PHF21B: variants seen among roughly 807,000 people sequenced by gnomAD.
PHF21B encodes PHD finger protein 21B, also known as PHD finger protein 4.
In PHF21B, 22 loss-of-function variants were observed where a neutral mutation model predicts 62.2. The observed-to-expected ratio is 0.35, with a 90% CI of 0.25 to 0.51. The LOEUF (loss-of-function observed/expected upper bound fraction) is 0.51, where lower values mean the gene tolerates loss of function less well. Among genes scored for constraint, PHF21B ranks in the 20% least tolerant of loss-of-function variants. PHF21B has a pLI of 0.97. For synonymous variants in PHF21B, 341 were observed against 314.7 expected, an observed-to-expected ratio of 1.08 and a Z score of -0.88; for missense variants, 701 against 707.9, an observed-to-expected ratio of 0.99 and a Z score of 0.11.
chr22:44,976,355 T>C (rs567290349), intron 2 of PHF21B, among the ~76,000 whole-genome samples: 4 of 152,198 alleles, frequency 2.6e-5, no homozygotes, highest in Non-Finnish European at 5.9e-5. Context: ...TGTCTTAAGA[T>C]ACATAATACC....
At position 44,903,353 on chromosome 22, in the gene PHF21B, G is replaced by T. The variant is rs527351429; in HGVS notation, c.832-7270C>A. On this transcript the variant is annotated intron_variant, in intron 5 of 12. Transcript: ENST00000313237. ...TCTGGAGTCCCCTACACCACTCCTGGCCACTGCTCATTGCACCATTGGCTT... is the reference window on the plus strand; with the variant it reads ...TCTGGAGTCCCCTACACCACTCCTGTCCACTGCTCATTGCACCATTGGCTT... 2.0e-5 allele frequency among the ~76,000 whole-genome samples: 3 copies of T among 151,692 alleles called. No homozygotes were observed. The South Asian group carries it at 6.3e-4, about 32-fold the overall frequency.
intron 5 of PHF21B, among the ~76,000 whole-genome samples, chr22:44,908,421 T>C (rs1158817888): frequency 6.6e-6 from 1 of 152,044 alleles, no homozygotes; most frequent in East Asian, 1.9e-4. Context: ...CCTTATGGGG[T>C]CTGAGAGCTA....
intron 5 of PHF21B, among the ~76,000 whole-genome samples, chr22:44,900,294 T>C (rs2071134390): frequency 6.6e-6 from 1 of 152,192 alleles, no homozygotes; most frequent in Admixed American, 6.5e-5. Flanking sequence ...AAATGGCTCA[T>C]GGAACATTTC....
chr22:44,911,663 T>C (rs114492408), intron 5 of PHF21B, among the ~76,000 whole-genome samples: 3,957 of 152,274 alleles, frequency 0.026, 175 homozygotes, highest in African/African-American at 0.089. Context: ...ACAAGATGTA[T>C]GGAAATGCTT....
At chr22:44,924,811 G>C (rs575515104) in intron 2 of PHF21B, among the ~76,000 whole-genome samples, 27 of 152,118 alleles carry the variant, frequency 1.8e-4, no homozygotes, top group Non-Finnish European at 3.1e-4. Context: ...CTAAGCATTC[G>C]CCAAGAGAAG....
chr22:44,884,604 A>G (rs2070817839), intron 12 of PHF21B, among the ~76,000 whole-genome samples: 1 of 151,804 alleles, frequency 6.6e-6, no homozygotes, highest in Non-Finnish European at 1.5e-5. Context: ...CAACACCACC[A>G]TCACCATAAT....
intron 2 of PHF21B, among the ~76,000 whole-genome samples, chr22:44,998,381 A>T (rs1351136298): frequency 6.6e-6 from 1 of 152,192 alleles, no homozygotes. Context: ...GTGAAAACAA[A>T]CACAATAGGT....
intron 2 of PHF21B, among the ~76,000 whole-genome samples, chr22:44,996,175 G>A (rs1420308633): frequency 6.6e-6 from 1 of 152,144 alleles, no homozygotes; most frequent in African/African-American, 2.4e-5. Context: ...CCAGCGCCCA[G>A]CCCTCAGCAG....
chr22:44,915,225 A>C (rs918929660), intron 4 of PHF21B, among the ~76,000 whole-genome samples: 2 of 152,244 alleles, frequency 1.3e-5, no homozygotes, highest in Non-Finnish European at 2.9e-5. Context: ...TAAGATCTCC[A>C]ATAAGAAAAA....
At chr22:44,892,417 T>C (rs945366721) in intron 7 of PHF21B, among the ~76,000 whole-genome samples, 6 of 152,250 alleles carry the variant, frequency 3.9e-5, no homozygotes, top group African/African-American at 1.4e-4. Flanking sequence ...TTGCAGAGCC[T>C]GGAACTGGCT....
At chr22:44,931,701 G>C (rs1391721451) in intron 2 of PHF21B, among the ~76,000 whole-genome samples, 1 of 152,078 alleles carries the variant, frequency 6.6e-6, no homozygotes, top group Non-Finnish European at 1.5e-5. Context: ...CATGTGTAGA[G>C]GTGTATTCTG....
chr22:44,982,874 C>G (rs1030159095), intron 2 of PHF21B, among the ~76,000 whole-genome samples: 1 of 143,122 alleles, frequency 7.0e-6, no homozygotes, highest in African/African-American at 2.6e-5. Flanking sequence ...AGGAAGACGT[C>G]TGAACTGTGA....
Position 44,913,921 on chromosome 22 carries a change from G to A in PHF21B, c.732C>T (p.Ser244=). 2 of 1,613,794 alleles carry A rather than the reference G, an allele frequency of 1.2e-6. No individual in the cohort carries two copies. Among genetic ancestry groups the A allele is most frequent in the Non-Finnish European group, 1.7e-6 (2 of 1,179,956 alleles). The stretch of plus-strand genomic sequence containing the variant: ...CTGTGGGCGGCCGCGACTCTGCCGT[G>A]CTCTCGGGCTGCGTCTGCACTTGAG... ...IQPQVQTQPE[S]TAESRPPTEE... is the part of the protein sequence containing the mutation. Residue 244 remains serine (S), a synonymous_variant, in exon 5 of 13, where the codon AGC becomes AGT. Transcript: ENST00000313237.
At chr22:44,917,252 G>C (rs576483463) in intron 3 of PHF21B, among the ~76,000 whole-genome samples, 1 of 152,332 alleles carries the variant, frequency 6.6e-6, no homozygotes, top group South Asian at 2.1e-4. Context: ...CTCCTCTGGG[G>C]TCCTGGTGAC....
At chr22:44,955,751 G>A (rs1175245095) in intron 2 of PHF21B, among the ~76,000 whole-genome samples, 2 of 152,140 alleles carry the variant, frequency 1.3e-5, no homozygotes, top group East Asian at 1.9e-4. Flanking sequence ...GGTGGATCAC[G>A]GGACTTCTCA....
intron 2 of PHF21B, among the ~76,000 whole-genome samples, chr22:44,956,032 A>C (rs904782039): frequency 1.3e-5 from 2 of 152,166 alleles, no homozygotes; most frequent in African/African-American, 2.4e-5. Context: ...GATGAACAAC[A>C]CAACTGTCTC....
rs10691766 is a variant in PHF21B, at chr22:44,933,734, G to GAGAC, written c.121-13248_121-13245dup. Among the ~76,000 whole-genome samples, 101 of 148,976 alleles carry GAGAC rather than the reference G, an allele frequency of 6.8e-4. 1 individual carries two copies. The highest frequency in any genetic ancestry group is 6.9e-3 in the Middle Eastern group (2 of 288). On this transcript the variant is annotated intron_variant, in intron 2 of 12. Transcript: ENST00000313237. ...TGCAGATAAGAGAGAGAGAGAGAGA[G>GAGAC]AGACAGACAGACAGACAGAGAGACA...
intron 2 of PHF21B, among the ~76,000 whole-genome samples, chr22:44,956,821 G>A (rs1012683171): frequency 1.3e-5 from 2 of 152,182 alleles, no homozygotes; most frequent in Admixed American, 1.3e-4. Flanking sequence ...CCTCCACGCG[G>A]TGGGCTCTCC....
At chr22:44,934,276 G>A (rs2071801847) in intron 2 of PHF21B, among the ~76,000 whole-genome samples, 1 of 152,328 alleles carries the variant, frequency 6.6e-6, no homozygotes, top group Non-Finnish European at 1.5e-5. Flanking sequence ...GAGCGTGGCG[G>A]TGAGGATGTT....
Sources: allele counts gnomAD v4.1 joint callset (sites outside exome capture counted in the v4.1 genomes callset), GRCh38; gene constraint gnomAD v4.1.1; transcripts MANE v1.5; gene names NCBI Gene and HGNC (gene_info 2026-07-23, HGNC 2026-07-21).